ZBTB21: variants seen among roughly 807,000 people sequenced by gnomAD.
ZBTB21 encodes the protein zinc finger and BTB domain containing 21, also known as zinc finger and BTB domain-containing protein 21.
A neutral mutation model predicts 39.8 loss-of-function variants in ZBTB21; 10 were observed. That is an observed-to-expected ratio of 0.25 (90% CI 0.16 to 0.43). The LOEUF (loss-of-function observed/expected upper bound fraction) is 0.43, where lower values mean the gene tolerates loss of function less well. Ranked by LOEUF, ZBTB21 falls within the 20% of genes least tolerant of loss-of-function variation. ZBTB21 has a pLI of 1.00. For synonymous variants in ZBTB21, 551 were observed against 498.8 expected, an observed-to-expected ratio of 1.10 and a Z score of -1.40; for missense variants, 1,221 against 1,296.3, an observed-to-expected ratio of 0.94 and a Z score of 0.89.
Position 41,991,361 on chromosome 21 carries a change from T to C in ZBTB21, c.2735A>G (p.Glu912Gly). ...PSKEASLWPC[E>G]KCGKMFTVHK... ...CACCGTGAACATCTTCCCACACTTC[T>C]CGCAGGGCCACAGGCTGGCTTCTTT... Residue 912 changes from glutamate to glycine, a missense_variant, in exon 3 of 3, where the codon GAG becomes GGG. Glu to Gly is a moderately conservative substitution (Grantham distance 98). Transcript: ENST00000310826. The surrounding 1 kb of genome is among the most constrained non-coding windows in gnomAD (Gnocchi z 4.9). The C allele has an allele frequency of 6.2e-7, 1 of 1,605,996 alleles. No homozygotes were observed. The highest frequency in any genetic ancestry group is 8.5e-7 in the Non-Finnish European group (1 of 1,175,672).
rs1223261407 is a variant in ZBTB21, at chr21:41,991,790, T to A, written c.2306A>T (p.Lys769Met). ...GCAGGTCAGCTTCTTATACTCACAC[T>A]TGCTCTCGTGTTCTTGCTTCAGCTC... ...SPELKQEHES[K>M]CEYKKLTCLE... Residue 769 changes from lysine (K) to methionine (M), a missense_variant, in exon 3 of 3, where the codon AAG (lysine) becomes ATG (methionine). Lys to Met is a moderately conservative substitution (Grantham distance 95, BLOSUM62 -1). Transcript: ENST00000310826. The surrounding 1 kb of genome is among the most constrained non-coding windows in gnomAD (Gnocchi z 4.9). 6.2e-7 allele frequency: 1 copy of A among 1,614,254 alleles called. No individual in the cohort carries two copies. Among genetic ancestry groups the A allele is most frequent in the South Asian group, 1.1e-5 (1 of 91,092 alleles).
At chr21:41,997,541 A>G (rs1026498166) in intron 2 of ZBTB21, among the ~76,000 whole-genome samples, 1 of 150,136 alleles carries the variant, frequency 6.7e-6, no homozygotes, top group Non-Finnish European at 1.5e-5. Flanking sequence ...GCGCCACTGC[A>G]CTCCAGCCTG....
intron 1 of ZBTB21, among the ~76,000 whole-genome samples, chr21:42,004,324 T>C (rs527531235): frequency 5.9e-5 from 9 of 152,264 alleles, no homozygotes; most frequent in African/African-American, 2.2e-4. Context: ...CCTCATATCT[T>C]AACATAAATT....
chr21:41,998,317 G>A (rs902836691), intron 2 of ZBTB21, among the ~76,000 whole-genome samples: 1 of 151,466 alleles, frequency 6.6e-6, no homozygotes. Flanking sequence ...TCAGCCTCCT[G>A]AGTAGCTGGG....
At chr21:42,005,405 T>G (rs1309744467) in intron 1 of ZBTB21, among the ~76,000 whole-genome samples, 3 of 152,218 alleles carry the variant, frequency 2.0e-5, no homozygotes, top group Non-Finnish European at 4.4e-5. Flanking sequence ...AGCTGACTTA[T>G]CTCAACGGAG....
chr21:41,993,606 T>C lies in ZBTB21; in HGVS notation c.490A>G (p.Ser164Gly). ...SRNEAQGKTV[S>G]QNQPDVSHTS... ...TGGCTTACATCGGGTTGATTTTGAC[T>C]AACAGTTTTTCCTTGCGCTTCGTTT... is the stretch of plus-strand genomic sequence containing the variant. Residue 164 changes from serine to glycine, a missense_variant, in exon 3 of 3, where the codon AGT becomes GGT. By Grantham distance (56) the Ser-to-Gly change is moderately conservative. Coordinates refer to ENST00000310826, the MANE Select transcript of ZBTB21 (RefSeq NM_001098402.2). 1 of 1,614,252 alleles carries C rather than the reference T, an allele frequency of 6.2e-7. No homozygotes were observed. Among genetic ancestry groups the C allele is most frequent in the Non-Finnish European group, 8.5e-7 (1 of 1,180,044 alleles).
In ZBTB21 at chr21:41,991,752, G is replaced by A. The variant is rs770619374; in HGVS notation, c.2344C>T (p.Arg782Cys). 2.5e-6 allele frequency: 4 copies of A among 1,614,196 alleles called. No homozygotes were observed. The highest frequency in any genetic ancestry group is 1.3e-5 in the African/African-American group (1 of 75,046). The stretch of plus-strand genomic sequence containing the variant: ...ATGCTGAAAGAGGACTTGAAGGTGC[G>A]CATGCACTCGAGGCAGGTCAGCTTC... ...YKKLTCLECMRTFKSSFSIWR... is the reference protein window; with the variant it reads ...YKKLTCLECMCTFKSSFSIWR... The change falls in exon 3 of 3, where the codon CGC (arginine) becomes TGC (cysteine). Residue 782 changes from arginine (R) to cysteine (C), a missense_variant. Physicochemically the swap from Arg to Cys is radical, Grantham distance 180 (BLOSUM62 -3). Around this residue, in one of 4 missense-constraint regions of ZBTB21, gnomAD observed 523 missense variants for 542.5 expected, o/e 0.96. Transcript: ENST00000310826. This position sits in a 1 kb window ranked among gnomAD's most constrained non-coding sequence, Gnocchi z 4.9.
intron 1 of ZBTB21, among the ~76,000 whole-genome samples, chr21:42,006,813 CTGG>C (rs1168224742): frequency 6.6e-6 from 1 of 152,170 alleles, no homozygotes; most frequent in African/African-American, 2.4e-5. Flanking sequence ...ACTGATGTAA[CTGG>C]TGTTCTTACA....
In ZBTB21 at chr21:42,008,211, A is replaced by C. The variant is rs895164638; in HGVS notation, c.-79+2041T>G. Among the ~76,000 whole-genome samples the C allele has an allele frequency of 1.4e-4, 21 of 151,968 alleles. 1 individual carries two copies. Among genetic ancestry groups the C allele is most frequent in the Admixed American group, 6.5e-4 (10 of 15,268 alleles). On this transcript the variant is annotated intron_variant, in intron 1 of 2. Transcript: ENST00000310826. ...CTTCCATTGGCTTTGCGGACAACTA[A>C]AACTGTCCCTTCGGCTGGGCGCAGT... is the stretch of plus-strand genomic sequence containing the variant.
At chr21:41,994,913 T>C (rs191743822) in intron 2 of ZBTB21, among the ~76,000 whole-genome samples, 19 of 152,296 alleles carry the variant, frequency 1.2e-4, no homozygotes, top group Admixed American at 2.6e-4. Flanking sequence ...TGAGATCTGA[T>C]GATTTTATAA....
At chr21:42,006,410 C>G (rs954758458) in intron 1 of ZBTB21, among the ~76,000 whole-genome samples, 4 of 149,848 alleles carry the variant, frequency 2.7e-5, no homozygotes, top group Admixed American at 6.6e-5. Context: ...ACAGCTGAGC[C>G]AGAGCGAAAC....
chr21:42,006,432 A>AG (rs903968823), intron 1 of ZBTB21, among the ~76,000 whole-genome samples: 1 of 151,604 alleles, frequency 6.6e-6, no homozygotes, highest in Non-Finnish European at 1.5e-5. Flanking sequence ...CCGTCTCAAA[A>AG]AAAAAAAAAA....
At chr21:42,009,948 T>C (rs922781545) in intron 1 of ZBTB21, among the ~76,000 whole-genome samples, 1 of 151,654 alleles carries the variant, frequency 6.6e-6, no homozygotes, top group Non-Finnish European at 1.5e-5. Flanking sequence ...TCGGCCAGGG[T>C]GAAGAGTGAA....
Position 41,992,303 on chromosome 21 carries a change from T to C in ZBTB21, c.1793A>G (p.His598Arg). The part of the protein sequence containing the change: ...FKVWTHCQTQ[H>R]GIVKNPSPAS... ...TGGTGATGGGTTCTTCACTATGCCG[T>C]GTTGGGTCTGACAGTGTGTCCACAC... Residue 598 changes from histidine to arginine, a missense_variant, in exon 3 of 3, where the codon CAC becomes CGC. His to Arg is a conservative substitution (Grantham distance 29). Transcript: ENST00000310826. This position sits in a 1 kb window ranked among gnomAD's most constrained non-coding sequence, Gnocchi z 4.1. 1 of 1,614,198 alleles carries C rather than the reference T, an allele frequency of 6.2e-7. No homozygotes were observed. Among genetic ancestry groups the C allele is most frequent in the Non-Finnish European group, 8.5e-7 (1 of 1,180,032 alleles).
rs1046667012 is a variant in ZBTB21, at chr21:41,989,978, T to C, written c.*917A>G. The C allele has an allele frequency of 6.6e-6, 1 of 152,210 alleles. No individual in the cohort carries two copies. Among genetic ancestry groups the C allele is most frequent in the African/African-American group, 2.4e-5 (1 of 41,464 alleles). The allele number at this position is 152,210 out of a possible 1,614,324, so 9.4% of individuals were successfully genotyped here. A position where few individuals can be genotyped will look rare whatever the true frequency, so the allele number is the denominator to read the frequency against. Reference sequence around the variant, plus strand: ...TGTTACACTAATGTTAAAATCAAAATTAGTGCCATATGGTTAGCTTTGTTT... The same window carrying C: ...TGTTACACTAATGTTAAAATCAAAACTAGTGCCATATGGTTAGCTTTGTTT... On this transcript the variant is annotated 3_prime_UTR_variant, in exon 3 of 3. Coordinates refer to ENST00000310826, the MANE Select transcript of ZBTB21 (RefSeq NM_001098402.2).
chr21:42,001,054 A>C (rs2065810914), intron 2 of ZBTB21, among the ~76,000 whole-genome samples: 2 of 152,238 alleles, frequency 1.3e-5, no homozygotes, highest in Non-Finnish European at 2.9e-5. Flanking sequence ...ATTTACATCA[A>C]CCATAGGAGG....
At position 42,006,428 on chromosome 21, in the gene ZBTB21, C is replaced by CA. The variant is rs11325246; in HGVS notation, c.-78-3468dup. ...GCTGAGCCAGAGCGAAACTCCGTCT[C>CA]AAAAAAAAAAAAAAAATTTTTTTTT... On this transcript the variant is annotated intron_variant, in intron 1 of 2. Transcript: ENST00000310826. 9.5e-3 allele frequency among the ~76,000 whole-genome samples: 1,277 copies of CA among 135,016 alleles called. 18 individuals are homozygous for CA. Among genetic ancestry groups the CA allele is most frequent in the African/African-American group, 0.028 (1,022 of 36,954 alleles). 88.6% of individuals were successfully genotyped at this position (135,016 alleles called of 152,430 possible).
Position 41,988,795 on chromosome 21 carries a change from A to T in ZBTB21, c.*2100T>A, listed in dbSNP as rs953765958. 1.5e-4 allele frequency: 23 copies of T among 152,086 alleles called. No homozygotes were observed. Among genetic ancestry groups the T allele is most frequent in the Non-Finnish European group, 2.5e-4 (17 of 67,974 alleles). The allele number at this position is 152,086 out of a possible 1,614,324, so 9.4% of individuals were successfully genotyped here. A position where few individuals can be genotyped will look rare whatever the true frequency, so the allele number is the denominator to read the frequency against. On this transcript the variant is annotated 3_prime_UTR_variant, in exon 3 of 3. Coordinates refer to ENST00000310826, the MANE Select transcript of ZBTB21 (RefSeq NM_001098402.2). ...TTTACTGATTAACAATATTATTTTT[A>T]AAAAATCTTCGAAAATGTAGCATAA... is the stretch of plus-strand genomic sequence containing the variant.
chr21:41,996,290 C>A (rs975776811), intron 2 of ZBTB21, among the ~76,000 whole-genome samples: 3 of 152,234 alleles, frequency 2.0e-5, no homozygotes, highest in Non-Finnish European at 4.4e-5. Context: ...GGGGGCTATA[C>A]CCTGCAAAGC....
Sources: gnomAD v4.1 joint callset for allele counts (sites outside exome capture counted in the v4.1 genomes callset) on GRCh38, gnomAD v4.1.1 for gene constraint, gnomAD v4.1.1 regional missense constraint, Gnocchi (gnomAD v3.1) non-coding constraint, MANE v1.5 for transcripts, NCBI Gene and HGNC (gene_info 2026-07-23, HGNC 2026-07-21) for gene names.